ARHGEF10L: variants seen among roughly 807,000 people sequenced by gnomAD.
ARHGEF10L encodes the protein rho guanine nucleotide exchange factor 10-like protein.
Under a neutral mutation model 141.2 loss-of-function variants are expected in ARHGEF10L, and 69 were observed. The ratio of observed to expected loss-of-function variants is 0.49; its 90% CI spans 0.40 to 0.60. The LOEUF (loss-of-function observed/expected upper bound fraction) is 0.60. Among genes scored for constraint, ARHGEF10L ranks in the 20% least tolerant of loss-of-function variants. The pLI is 0.00. For synonymous variants in ARHGEF10L, 711 were observed against 718.5 expected (o/e 0.99, Z 0.17); for missense variants, 1,482 against 1,734.3 (o/e 0.85, Z 2.58).
rs1467338875 is a variant in ARHGEF10L, at chr1:17,558,769, G to C, written c.-44+18819G>C. Reference sequence around the variant, plus strand: ...TGTCAGTGAATGGGGAGATGAGTCAGAAAGGATGCCCTGTGAACCTCACTG... The same window carrying C: ...TGTCAGTGAATGGGGAGATGAGTCACAAAGGATGCCCTGTGAACCTCACTG... On this transcript the variant is annotated intron_variant, in intron 1 of 28. Coordinates refer to ENST00000361221, the MANE Select transcript of ARHGEF10L (RefSeq NM_018125.4). This position sits in a 1 kb window ranked among gnomAD's most constrained non-coding sequence, Gnocchi z 4.2. Among the ~76,000 whole-genome samples, 2 of 152,246 alleles carry C rather than the reference G, an allele frequency of 1.3e-5. No individual in the cohort carries two copies. Among genetic ancestry groups the C allele is most frequent in the Non-Finnish European group, 2.9e-5 (2 of 68,052 alleles).
intron 1 of ARHGEF10L, among the ~76,000 whole-genome samples, chr1:17,556,491 A>G (rs1169835602): frequency 1.3e-5 from 2 of 152,190 alleles, no homozygotes; most frequent in Non-Finnish European, 2.9e-5. Flanking sequence ...TAATGGAGGA[A>G]TAGGTACATT....
intron 26 of ARHGEF10L, among the ~76,000 whole-genome samples, chr1:17,671,319 A>G (rs941628070): frequency 7.2e-5 from 11 of 152,074 alleles, no homozygotes; most frequent in African/African-American, 2.2e-4. Flanking sequence ...GAAGTAGGGC[A>G]GGGAGTCCCC....
At position 17,627,204 on chromosome 1, in the gene ARHGEF10L, C is replaced by T. The variant is rs1172184701; in HGVS notation, c.1411-126C>T. ...TGTTCTGCATCTGGTGCCATCTGTCCTGGCCTCAGGCCGGGCCCTTTGCAG... is the reference window on the plus strand; with the variant it reads ...TGTTCTGCATCTGGTGCCATCTGTCTTGGCCTCAGGCCGGGCCCTTTGCAG... On this transcript the variant is annotated intron_variant, in intron 14 of 28. Transcript: ENST00000361221. This position sits in a 1 kb window ranked among gnomAD's most constrained non-coding sequence, Gnocchi z 4.0. The T allele has an allele frequency of 5.3e-6, 6 of 1,132,568 alleles. No individual in the cohort carries two copies. Among genetic ancestry groups the T allele is most frequent in the Admixed American group, 2.3e-5 (1 of 44,116 alleles). 70.2% of individuals were successfully genotyped at this position (1,132,568 alleles called of 1,614,324 possible).
intron 21 of ARHGEF10L, among the ~76,000 whole-genome samples, chr1:17,647,683 CG>C (rs2061680748): frequency 6.6e-6 from 1 of 152,052 alleles, no homozygotes; most frequent in Admixed American, 6.6e-5. Flanking sequence ...AAATGGACCA[CG>C]GATGATTTTA....
chr1:17,529,278 C>G, the ARHGEF10L span, among the ~76,000 whole-genome samples: 12 of 152,340 alleles, frequency 7.9e-5, no homozygotes, highest in East Asian at 2.3e-3. Flanking sequence ...GCTGGGTTTA[C>G]AGGCACGAGT....
intron 1 of ARHGEF10L, among the ~76,000 whole-genome samples, chr1:17,571,207 G>A (rs187402686): frequency 5.3e-5 from 8 of 152,218 alleles, no homozygotes; most frequent in East Asian, 3.9e-4. Context: ...AAGGAGGAGC[G>A]GAGGAAGGGG....
intron 9 of ARHGEF10L, among the ~76,000 whole-genome samples, chr1:17,617,232 T>C (rs1332973421): frequency 6.6e-6 from 1 of 152,248 alleles, no homozygotes; most frequent in Non-Finnish European, 1.5e-5. Flanking sequence ...AAGCGTCCCA[T>C]GGTCAGATTT....
the ARHGEF10L span, among the ~76,000 whole-genome samples, chr1:17,515,858 T>C: frequency 6.6e-6 from 1 of 152,166 alleles, no homozygotes; most frequent in African/African-American, 2.4e-5. Context: ...CCCAGCCTGG[T>C]CTTGAACTCC....
intron 7 of ARHGEF10L, among the ~76,000 whole-genome samples, chr1:17,611,411 C>T (rs1351477878): frequency 2.0e-5 from 3 of 152,118 alleles, no homozygotes; most frequent in Non-Finnish European, 2.9e-5. Flanking sequence ...TTTCCCAGTA[C>T]CCTAAGTGGT....
chr1:17,648,789 C>A, intron 22 of ARHGEF10L, 114 bp downstream of exon 22: 1 of 1,392,662 alleles, frequency 7.2e-7, no homozygotes, highest in Non-Finnish European at 9.5e-7. Context: ...CAGGTTCCAG[C>A]TGTGGCTTCT....
At chr1:17,599,300 C>T (rs2080406438) in intron 4 of ARHGEF10L, among the ~76,000 whole-genome samples, 1 of 149,944 alleles carries the variant, frequency 6.7e-6, no homozygotes, top group Non-Finnish European at 1.5e-5. Context: ...CGTGCTGCTG[C>T]ACTCCAGCCT....
the ARHGEF10L span, among the ~76,000 whole-genome samples, chr1:17,525,482 G>A: frequency 1.3e-5 from 2 of 152,060 alleles, no homozygotes; most frequent in African/African-American, 4.8e-5. Flanking sequence ...TCTAGGAAAG[G>A]AGGATGTTGG....
rs567608331 is a variant in ARHGEF10L, at chr1:17,618,371, G to A, written c.836-968G>A. The A allele has an allele frequency of 1.7e-4, 258 of 1,541,472 alleles. No homozygotes were observed. The African/African-American group carries it at 3.1e-3, about 18-fold the overall frequency. On this transcript the variant is annotated intron_variant, in intron 9 of 28. Transcript: ENST00000361221. ...GGCCAAGAATGTTACCCAGCAGCTC[G>A]TGGGGGAAGAGGAAGCTGCGAGGCA...
chr1:17,621,945 C>G lies in ARHGEF10L; in HGVS notation c.1020+4C>G. 1 of 1,614,054 alleles carries G rather than the reference C, an allele frequency of 6.2e-7. No individual in the cohort carries two copies. Among genetic ancestry groups the G allele is most frequent in the South Asian group, 1.1e-5 (1 of 91,078 alleles). ...GTCTCTGAAGCGGATACTCCAGGTGCGACTTCAGGGAGTTCTCAAGGGTCT... is the reference window on the plus strand; with the variant it reads ...GTCTCTGAAGCGGATACTCCAGGTGGGACTTCAGGGAGTTCTCAAGGGTCT... On this transcript the variant is annotated splice_donor_region_variant and intron_variant, in intron 11 of 28. Transcript: ENST00000361221. The surrounding 1 kb of genome is among the most constrained non-coding windows in gnomAD (Gnocchi z 4.1).
chr1:17,542,617 T>C (rs2076770229), intron 1 of ARHGEF10L, among the ~76,000 whole-genome samples: 1 of 152,172 alleles, frequency 6.6e-6, no homozygotes, highest in Non-Finnish European at 1.5e-5. Flanking sequence ...TCTTCTATGA[T>C]TAATTTTGAA....
At chr1:17,682,008 G>T (rs1027245933) in intron 26 of ARHGEF10L, among the ~76,000 whole-genome samples, 1 of 151,596 alleles carries the variant, frequency 6.6e-6, no homozygotes, top group Admixed American at 6.6e-5. Context: ...AAAATCCAGC[G>T]TGCTCTAATC....
intron 1 of ARHGEF10L, among the ~76,000 whole-genome samples, chr1:17,549,983 T>G (rs77544322): frequency 0.013 from 2,048 of 152,288 alleles, 20 homozygotes; most frequent in Non-Finnish European, 0.021. Flanking sequence ...AGGGAGGGAC[T>G]GATTTACCTT....
At chr1:17,681,635 A>G (rs1478373980) in intron 26 of ARHGEF10L, among the ~76,000 whole-genome samples, 1 of 152,024 alleles carries the variant, frequency 6.6e-6, no homozygotes, top group Non-Finnish European at 1.5e-5. Context: ...GCTGGGGGTC[A>G]GGGGAGCCCT....
chr1:17,690,365 G>A (rs1385825054), intron 27 of ARHGEF10L, among the ~76,000 whole-genome samples: 3 of 152,244 alleles, frequency 2.0e-5, no homozygotes, highest in Non-Finnish European at 1.5e-5. Context: ...CAGGGCAGGT[G>A]TAGGTGTTGT....
Sources: allele counts gnomAD v4.1 joint callset (sites outside exome capture counted in the v4.1 genomes callset), GRCh38; gene constraint gnomAD v4.1.1; non-coding constraint Gnocchi (gnomAD v3.1); transcripts MANE v1.5; gene names NCBI Gene and HGNC (gene_info 2026-07-23, HGNC 2026-07-21).